SUCLA2: variants seen among roughly 807,000 people sequenced by gnomAD.
SUCLA2 encodes succinate-CoA ligase ADP-forming subunit beta.
Under a neutral mutation model 54.8 loss-of-function variants are expected in SUCLA2, and 30 were observed. That is an observed-to-expected ratio of 0.55 (90% CI 0.41 to 0.74). SUCLA2 has a LOEUF of 0.74. Ranked by LOEUF, SUCLA2 falls within the 30% of genes least tolerant of loss-of-function variation. The pLI, the probability that SUCLA2 is intolerant of heterozygous loss-of-function variation, is 0.00. For missense variants in SUCLA2, 476 were observed against 562.9 expected, an observed-to-expected ratio of 0.85 and a Z score of 1.56; for synonymous variants, 172 against 188.9, an observed-to-expected ratio of 0.91 and a Z score of 0.74.
chr13:47,984,386 TAG>T (rs1288490120), intron 4 of SUCLA2, among the ~76,000 whole-genome samples: 4 of 151,312 alleles, frequency 2.6e-5, no homozygotes, highest in African/African-American at 9.7e-5. Flanking sequence ...GTATTTTTAG[TAG>T]AGACAGTGTT....
chr13:47,965,090 T>C (rs558139822), intron 6 of SUCLA2, among the ~76,000 whole-genome samples: 2 of 151,600 alleles, frequency 1.3e-5, no homozygotes, highest in African/African-American at 4.8e-5. Flanking sequence ...GGATAACTCA[T>C]TGATTAAAGA....
intron 2 of SUCLA2, among the ~76,000 whole-genome samples, chr13:47,992,212 T>C (rs566784737): frequency 1.3e-5 from 2 of 152,292 alleles, no homozygotes; most frequent in South Asian, 2.1e-4. Context: ...ACTTAACACA[T>C]TGACCTATTA....
intron 4 of SUCLA2, among the ~76,000 whole-genome samples, chr13:47,974,344 G>C (rs140064645): frequency 6.6e-6 from 1 of 152,158 alleles, no homozygotes; most frequent in Non-Finnish European, 1.5e-5. Context: ...ACAGCACTTC[G>C]GGACGCCAAG....
intron 6 of SUCLA2, among the ~76,000 whole-genome samples, chr13:47,957,338 G>C (rs908120010): frequency 6.6e-6 from 1 of 152,150 alleles, no homozygotes; most frequent in African/African-American, 2.4e-5. Context: ...CGAGCAGCAG[G>C]ACCTAGACCA....
chr13:47,968,951 A>C (rs1949940245), intron 5 of SUCLA2, among the ~76,000 whole-genome samples: 1 of 152,230 alleles, frequency 6.6e-6, no homozygotes, highest in South Asian at 2.1e-4. Flanking sequence ...ATAGATAAGA[A>C]AGAGATTCAG....
intron 1 of SUCLA2, among the ~76,000 whole-genome samples, chr13:47,998,299 A>T (rs1167263254): frequency 7.6e-5 from 1 of 13,090 alleles, no homozygotes; most frequent in Non-Finnish European, 4.2e-4. Context: ...AATAAGTTAA[A>T]AAAAAAAAAA....
At chr13:47,960,665 A>G (rs1446544703) in intron 6 of SUCLA2, among the ~76,000 whole-genome samples, 1 of 152,148 alleles carries the variant, frequency 6.6e-6, no homozygotes, top group African/African-American at 2.4e-5. Context: ...TGTGTGGACC[A>G]TTATTAAAAT....
intron 4 of SUCLA2, among the ~76,000 whole-genome samples, chr13:47,980,292 G>A (rs1950050451): frequency 6.6e-6 from 1 of 152,174 alleles, no homozygotes. Flanking sequence ...GCGGGAGCCT[G>A]TAGTTCCAGC....
At chr13:47,945,341 TA>T (rs1339934046) in intron 10 of SUCLA2, among the ~76,000 whole-genome samples, 1 of 135,882 alleles carries the variant, frequency 7.4e-6, no homozygotes, top group African/African-American at 2.8e-5. Flanking sequence ...AAGAATTGCT[TA>T]AACCCAGGAG....
At chr13:48,000,839 C>G (rs751348527) in intron 1 of SUCLA2, 219 of 1,144,146 alleles carry the variant, frequency 1.9e-4, no homozygotes, top group Non-Finnish European at 2.2e-4. Context: ...AAGTCTCAGC[C>G]CACCGTGCCA....
chr13:47,976,158 A>T (rs545506260), intron 4 of SUCLA2, among the ~76,000 whole-genome samples: 1 of 152,214 alleles, frequency 6.6e-6, no homozygotes, highest in Non-Finnish European at 1.5e-5. Flanking sequence ...CTGGACACCA[A>T]GGTCAGCAAG....
intron 10 of SUCLA2, among the ~76,000 whole-genome samples, chr13:47,946,816 T>C (rs1217194960): frequency 6.6e-6 from 1 of 152,060 alleles, no homozygotes; most frequent in Non-Finnish European, 1.5e-5. Flanking sequence ...ATAATTATGA[T>C]AGTATGGCAT....
chr13:47,946,501 C>A (rs1020675316), intron 10 of SUCLA2, among the ~76,000 whole-genome samples: 2 of 151,028 alleles, frequency 1.3e-5, no homozygotes, highest in African/African-American at 4.9e-5. Context: ...TATATAAAAG[C>A]TAGATTCCCT....
chr13:47,955,456 C>T (rs948098233), intron 6 of SUCLA2, among the ~76,000 whole-genome samples: 1 of 152,154 alleles, frequency 6.6e-6, no homozygotes, highest in Non-Finnish European at 1.5e-5. Context: ...CCCGCCTCAG[C>T]CTCTCAAAAT....
chr13:47,961,150 T>C (rs1298452869), intron 6 of SUCLA2, among the ~76,000 whole-genome samples: 1 of 152,190 alleles, frequency 6.6e-6, no homozygotes, highest in Non-Finnish European at 1.5e-5. Flanking sequence ...TAGATTTGTT[T>C]ATATAGTTTT....
chr13:47,997,413 C>G (rs1950199627), intron 1 of SUCLA2, among the ~76,000 whole-genome samples: 1 of 152,188 alleles, frequency 6.6e-6, no homozygotes, highest in Non-Finnish European at 1.5e-5. Flanking sequence ...TCACCTGGCA[C>G]TAGATATGTA....
chr13:47,972,538 A>G (rs928648286), intron 5 of SUCLA2, among the ~76,000 whole-genome samples: 14 of 151,074 alleles, frequency 9.3e-5, no homozygotes, highest in African/African-American at 3.4e-4. Context: ...GTGTGTTGGC[A>G]GGTGCCTGTA....
rs1180061768 is a variant in SUCLA2 at position 47,996,833 on chromosome 13, A to C, written c.271+10T>G. The C allele has an allele frequency of 1.2e-6, 2 of 1,612,382 alleles. No homozygotes were observed. Among genetic ancestry groups the C allele is most frequent in the East Asian group, 4.5e-5 (2 of 44,870 alleles). On this transcript the variant is annotated intron_variant, in intron 2 of 10. Transcript: ENST00000646932. The stretch of plus-strand genomic sequence containing the variant: ...TGTCAAGGTGGCAAAAGCTTTTCTT[A>C]ATTTAGTACCTAATTTTTTGGCAAT...
At chr13:47,975,105 C>A (rs1165385273) in intron 4 of SUCLA2, among the ~76,000 whole-genome samples, 3 of 151,264 alleles carry the variant, frequency 2.0e-5, no homozygotes, top group African/African-American at 4.9e-5. Context: ...GAAAAAAAAA[C>A]AGGCATGACA....
Sources: allele counts gnomAD v4.1 joint callset (sites outside exome capture counted in the v4.1 genomes callset), GRCh38; gene constraint gnomAD v4.1.1; transcripts MANE v1.5; gene names NCBI Gene and HGNC (gene_info 2026-07-23, HGNC 2026-07-21).